Variants in NEGR1 observed in about 807,000 individuals in gnomAD.
The protein encoded by NEGR1 is neuronal growth regulator 1, also known as IgLON family member 4.
NEGR1 carries 10 observed loss-of-function variants against 40.9 expected under a neutral mutation model. That is an observed-to-expected ratio of 0.24 (90% CI 0.15 to 0.42). NEGR1 has a LOEUF of 0.42. NEGR1 is among the 10% of genes least tolerant of loss of function. The probability of loss-of-function intolerance (pLI) is 1.00; values close to 1 mark genes in which losing one functional copy is unlikely to be tolerated. For synonymous variants in NEGR1, 185 were observed against 166.8 expected, an observed-to-expected ratio of 1.11 and a Z score of -0.84; for missense variants, 352 against 438.9, an observed-to-expected ratio of 0.80 and a Z score of 1.77.
intron 1 of NEGR1, among the ~76,000 whole-genome samples, chr1:72,273,264 A>ATC (rs1655911246): frequency 1.3e-5 from 2 of 151,986 alleles, no homozygotes; most frequent in African/African-American, 4.8e-5. Context: ...ATCCATATTA[A>ATC]CAGCAAATTC....
intron 1 of NEGR1, among the ~76,000 whole-genome samples, chr1:72,224,312 C>CT (rs529451368): frequency 0.044 from 6,117 of 140,222 alleles, 422 homozygotes; most frequent in African/African-American, 0.14. Context: ...GATTCTTTGA[C>CT]TTTTTTTTTT....
At chr1:72,219,726 C>T (rs1653948537) in intron 1 of NEGR1, among the ~76,000 whole-genome samples, 1 of 151,816 alleles carries the variant, frequency 6.6e-6, no homozygotes, top group Non-Finnish European at 1.5e-5. Flanking sequence ...ATTATCAATC[C>T]CAAATTTGAC....
intron 6 of NEGR1, among the ~76,000 whole-genome samples, chr1:71,581,611 G>C (rs924075209): frequency 6.6e-6 from 1 of 151,884 alleles, no homozygotes; most frequent in African/African-American, 2.4e-5. Flanking sequence ...ATCAGTGAAA[G>C]AATCTGTGAG....
intron 1 of NEGR1, among the ~76,000 whole-genome samples, chr1:72,157,781 T>C (rs115684034): frequency 6.9e-4 from 105 of 152,270 alleles, no homozygotes; most frequent in African/African-American, 2.5e-3. Flanking sequence ...TAAACTGACA[T>C]ACAGGTTATC....
Position 71,928,385 on chromosome 1 carries a change from TAC to T in NEGR1, c.409+6692_409+6693del, listed in dbSNP as rs1479991826. Among the ~76,000 whole-genome samples the T allele has an allele frequency of 3.5e-5, 5 of 144,516 alleles. 1 individual carries two copies. The highest frequency in any genetic ancestry group is 6.0e-5 in the Non-Finnish European group (4 of 66,164). 94.8% of individuals were successfully genotyped at this position (144,516 alleles called of 152,430 possible). A position where few individuals can be genotyped will look rare whatever the true frequency, so the allele number is the denominator to read the frequency against. ...ATACACATATGTATATATGTATATA[TAC>T]ACACATATGTATATATGTGTATGTA... On this transcript the variant is annotated intron_variant, in intron 2 of 6. Coordinates refer to ENST00000357731, the MANE Select transcript of NEGR1 (RefSeq NM_173808.3).
At chr1:71,562,881 G>C (rs1012145851) in intron 6 of NEGR1, among the ~76,000 whole-genome samples, 1 of 151,866 alleles carries the variant, frequency 6.6e-6, no homozygotes, top group Non-Finnish European at 1.5e-5. Context: ...CACTTACCTG[G>C]CTCATATTCT....
At chr1:71,997,262 C>G (rs1456223967) in intron 1 of NEGR1, among the ~76,000 whole-genome samples, 1 of 152,138 alleles carries the variant, frequency 6.6e-6, no homozygotes, top group African/African-American at 2.4e-5. Context: ...TCCAGGCTTT[C>G]CATGATTTCA....
intron 1 of NEGR1, among the ~76,000 whole-genome samples, chr1:72,104,368 T>A (rs977147806): frequency 1.3e-5 from 2 of 152,096 alleles, no homozygotes; most frequent in African/African-American, 4.8e-5. Context: ...GAAGGAGATG[T>A]GACCGCGGAA....
At chr1:72,159,261 G>A (rs1053562886) in intron 1 of NEGR1, among the ~76,000 whole-genome samples, 15 of 152,210 alleles carry the variant, frequency 9.9e-5, no homozygotes, top group African/African-American at 1.7e-4. Context: ...TCTCCTTGCC[G>A]TTCCGTAACC....
chr1:72,072,994 A>C (rs151058136), intron 1 of NEGR1, among the ~76,000 whole-genome samples: 18 of 152,296 alleles, frequency 1.2e-4, no homozygotes, highest in Non-Finnish European at 2.2e-4. Context: ...TTAGACACAG[A>C]CTTCAAGATA....
At chr1:71,555,237 C>T (rs1648218904) in intron 6 of NEGR1, among the ~76,000 whole-genome samples, 1 of 114,548 alleles carries the variant, frequency 8.7e-6, no homozygotes, top group South Asian at 3.5e-4. Context: ...GCTCTGTAGG[C>T]AGGTAAGTAT....
chr1:72,082,527 G>A (rs1648045510), intron 1 of NEGR1, among the ~76,000 whole-genome samples: 1 of 151,832 alleles, frequency 6.6e-6, no homozygotes, highest in Admixed American at 6.6e-5. Context: ...ATTATCTGAG[G>A]ACACACAAAA....
chr1:71,412,387 A>G (rs914726271), intron 6 of NEGR1, among the ~76,000 whole-genome samples: 7 of 152,198 alleles, frequency 4.6e-5, no homozygotes, highest in Non-Finnish European at 8.8e-5. Flanking sequence ...AAGAAAAATT[A>G]TTAGTCTTCT....
At chr1:71,559,042 TATAC>T (rs1159542346) in intron 6 of NEGR1, among the ~76,000 whole-genome samples, 1,930 of 65,004 alleles carry the variant, frequency 0.03, 21 homozygotes, top group Non-Finnish European at 0.044. Flanking sequence ...TATATATATA[TATAC>T]ACATATATAT....
intron 1 of NEGR1, among the ~76,000 whole-genome samples, chr1:72,268,864 G>T (rs1243591685): frequency 6.6e-6 from 1 of 151,230 alleles, no homozygotes; most frequent in African/African-American, 2.4e-5. Context: ...AGAACGCGAA[G>T]AAGGAGCTAG....
chr1:72,276,790 C>G (rs1357795677), intron 1 of NEGR1, among the ~76,000 whole-genome samples: 1 of 152,100 alleles, frequency 6.6e-6, no homozygotes, highest in Admixed American at 6.5e-5. Flanking sequence ...CACTATGCAT[C>G]TATCAAGGTT....
At chr1:71,719,400 C>A (rs967944823) in intron 3 of NEGR1, among the ~76,000 whole-genome samples, 1 of 151,984 alleles carries the variant, frequency 6.6e-6, no homozygotes, top group South Asian at 2.1e-4. Context: ...AATTGTCTGG[C>A]CTGTCCAGAA....
chr1:72,255,926 GC>G (rs780255956), intron 1 of NEGR1, among the ~76,000 whole-genome samples: 5 of 152,104 alleles, frequency 3.3e-5, no homozygotes, highest in African/African-American at 4.8e-5. Flanking sequence ...TTAAATAATA[GC>G]TTAAAATGAT....
At chr1:71,538,775 G>T (rs1042609473) in intron 6 of NEGR1, among the ~76,000 whole-genome samples, 7 of 151,664 alleles carry the variant, frequency 4.6e-5, no homozygotes, top group African/African-American at 1.7e-4. Flanking sequence ...TACATGATCT[G>T]TGAACTTTCA....
Sources: allele counts gnomAD v4.1 joint callset (sites outside exome capture counted in the v4.1 genomes callset), GRCh38; gene constraint gnomAD v4.1.1; transcripts MANE v1.5; gene names NCBI Gene and HGNC (gene_info 2026-07-23, HGNC 2026-07-21).